The following RANBP10 variants were observed in gnomAD, a reference collection of about 807,000 sequenced individuals.
The protein encoded by RANBP10 is ran-binding protein 10.
A neutral mutation model predicts 72.8 loss-of-function variants in RANBP10; 24 were observed. The ratio of observed to expected loss-of-function variants is 0.33; its 90% CI spans 0.24 to 0.46. The LOEUF (loss-of-function observed/expected upper bound fraction) is 0.46, where lower values mean the gene tolerates loss of function less well. RANBP10 is among the 20% of genes least tolerant of loss of function. The pLI, the probability that RANBP10 is intolerant of heterozygous loss-of-function variation, is 1.00. For synonymous variants in RANBP10, 310 were observed against 322.3 expected (o/e 0.96, Z 0.41); for missense variants, 679 against 817.5 (o/e 0.83, Z 2.07).
At position 67,727,790 on chromosome 16, in the gene RANBP10, C is replaced by T; in HGVS notation, c.1581G>A (p.Arg527=). 1 of 1,614,206 alleles carries T rather than the reference C, an allele frequency of 6.2e-7. No individual in the cohort carries two copies. The highest frequency in any genetic ancestry group is 8.5e-7 in the Non-Finnish European group (1 of 1,180,056). The change falls in exon 12 of 14, where the codon CGG becomes CGA. Residue 527 remains arginine (R), a synonymous_variant. Transcript: ENST00000317506. Reference sequence around the variant, plus strand: ...TGTGGGCCAAATTCTTGCCGTACTCCCGGCCCAACTGCTCACTCAATGCCT... The same window carrying T: ...TGTGGGCCAAATTCTTGCCGTACTCTCGGCCCAACTGCTCACTCAATGCCT... ...ELQALSEQLG[R]EYGKNLAHTE...
chr16:67,748,486 T>C (rs2054130798), intron 3 of RANBP10, among the ~76,000 whole-genome samples: 1 of 151,580 alleles, frequency 6.6e-6, no homozygotes, highest in African/African-American at 2.4e-5. Flanking sequence ...ATCACGCCAC[T>C]GCACTCCAGC....
intron 2 of RANBP10, among the ~76,000 whole-genome samples, chr16:67,802,709 A>C (rs2055258987): frequency 6.6e-6 from 1 of 152,224 alleles, no homozygotes; most frequent in African/African-American, 2.4e-5. Flanking sequence ...CACATGTAAA[A>C]TGCTGGGAAT....
At chr16:67,765,632 C>T (rs1597878131) in intron 3 of RANBP10, among the ~76,000 whole-genome samples, 1 of 151,782 alleles carries the variant, frequency 6.6e-6, no homozygotes, top group African/African-American at 2.4e-5. Context: ...GTCAGGAGAT[C>T]GAGACCATCC....
chr16:67,780,092 C>T (rs979377136), intron 2 of RANBP10, among the ~76,000 whole-genome samples: 3 of 151,966 alleles, frequency 2.0e-5, no homozygotes, highest in South Asian at 2.1e-4. Flanking sequence ...ATTAGCCGGG[C>T]GTGGTGGCGG....
intron 2 of RANBP10, among the ~76,000 whole-genome samples, chr16:67,778,876 T>C (rs144484188): frequency 1.3e-5 from 2 of 152,166 alleles, no homozygotes; most frequent in Non-Finnish European, 2.9e-5. Flanking sequence ...ATGGACTGCT[T>C]GAGCTCAGGA....
chr16:67,738,057 C>T (rs755397567), intron 4 of RANBP10, 22 bp from the exon 5 acceptor site: 3 of 1,582,180 alleles, frequency 1.9e-6, no homozygotes, highest in Admixed American at 3.6e-5. Flanking sequence ...AAGGAACAGT[C>T]ATCAGGGCCA....
At position 67,723,622 on chromosome 16, in the gene RANBP10, A is replaced by G. The variant is rs2053560321; in HGVS notation, c.*2806T>C. 1 of 152,680 alleles carries G rather than the reference A, an allele frequency of 6.5e-6. No homozygotes were observed. The highest frequency in any genetic ancestry group is 1.5e-5 in the Non-Finnish European group (1 of 68,122). The allele number at this position is 152,680 out of a possible 1,614,324, so 9.5% of individuals were successfully genotyped here. On this transcript the variant is annotated 3_prime_UTR_variant, in exon 14 of 14. Coordinates refer to ENST00000317506, the MANE Select transcript of RANBP10 (RefSeq NM_020850.3). ...GGGGTTCTGGCTTGCTATGAGTGCC[A>G]GTTTTTGCTCTGGAAGGAGTGACCA...
chr16:67,737,377 T>G (rs2053873369), intron 5 of RANBP10, among the ~76,000 whole-genome samples: 1 of 151,884 alleles, frequency 6.6e-6, no homozygotes, highest in African/African-American at 2.4e-5. Flanking sequence ...ACTTTTTTTG[T>G]ATTTTTAGTA....
At chr16:67,728,768 CTG>C (rs2053661756) in intron 10 of RANBP10, among the ~76,000 whole-genome samples, 1 of 152,240 alleles carries the variant, frequency 6.6e-6, no homozygotes, top group South Asian at 2.1e-4. Context: ...TGGCCCTCCT[CTG>C]AGTTCACACA....
At chr16:67,746,587 G>A (rs1267365111) in intron 3 of RANBP10, among the ~76,000 whole-genome samples, 1 of 152,144 alleles carries the variant, frequency 6.6e-6, no homozygotes. Flanking sequence ...GGAGTTCAAG[G>A]CTGCAGTGAG....
rs1158033958 is a variant in RANBP10 at position 67,730,718 on chromosome 16, G to C, written c.890-672C>G. ...CCAAGTCTGGGATCCCTTTCCGTCT[G>C]TCTGGCTGAGCACAGCTTCTCTGGG... On this transcript the variant is annotated intron_variant, in intron 7 of 13. Transcript: ENST00000317506. The surrounding 1 kb of genome is among the most constrained non-coding windows in gnomAD (Gnocchi z 4.3). 6.6e-6 allele frequency among the ~76,000 whole-genome samples: 1 copy of C among 152,180 alleles called. No individual in the cohort carries two copies. The highest frequency in any genetic ancestry group is 2.4e-5 in the African/African-American group (1 of 41,440).
intron 3 of RANBP10, among the ~76,000 whole-genome samples, chr16:67,760,070 A>C (rs2054365597): frequency 6.6e-6 from 1 of 151,142 alleles, no homozygotes; most frequent in Non-Finnish European, 1.5e-5. Context: ...ACTGCACTCC[A>C]GCCTAGGTGA....
chr16:67,770,232 C>A (rs1426310352), intron 3 of RANBP10, among the ~76,000 whole-genome samples: 3 of 152,106 alleles, frequency 2.0e-5, no homozygotes, highest in African/African-American at 7.2e-5. Context: ...ACAGATACTA[C>A]AGCTACAACT....
chr16:67,761,861 G>A (rs920886172), intron 3 of RANBP10, among the ~76,000 whole-genome samples: 17 of 152,158 alleles, frequency 1.1e-4, no homozygotes, highest in African/African-American at 2.4e-4. Context: ...GTAAGCCACC[G>A]TGCCCGGACA....
At chr16:67,743,242 T>G (rs1326646815) in intron 4 of RANBP10, among the ~76,000 whole-genome samples, 3 of 152,124 alleles carry the variant, frequency 2.0e-5, no homozygotes, top group Non-Finnish European at 2.9e-5. Flanking sequence ...CTTCTAGGAG[T>G]TGGGTTCCAA....
At position 67,729,666 on chromosome 16, in the gene RANBP10, G is replaced by A. The variant is rs2053683481; in HGVS notation, c.1147+14C>T. The A allele has an allele frequency of 2.5e-6, 4 of 1,604,428 alleles. No individual in the cohort carries two copies. The highest frequency in any genetic ancestry group is 1.7e-5 in the Admixed American group (1 of 59,372). On this transcript the variant is annotated intron_variant, in intron 9 of 13. Transcript: ENST00000317506. This position sits in a 1 kb window ranked among gnomAD's most constrained non-coding sequence, Gnocchi z 7.1. ...ACACCAGTTCTTCCCAGAGCCCTCT[G>A]GAGAGTGGCTGACCTGTGTTGTGCA... is the stretch of plus-strand genomic sequence containing the variant.
chr16:67,793,650 G>A (rs182625773), intron 2 of RANBP10, among the ~76,000 whole-genome samples: 7 of 151,914 alleles, frequency 4.6e-5, no homozygotes, highest in Non-Finnish European at 1.0e-4. Flanking sequence ...ATTTTCAATC[G>A]GAGACATTAT....
chr16:67,768,949 C>T (rs148164770), intron 3 of RANBP10, among the ~76,000 whole-genome samples: 11 of 152,194 alleles, frequency 7.2e-5, no homozygotes, highest in African/African-American at 2.7e-4. Flanking sequence ...TCCTGGCTCC[C>T]GCCACCCATC....
At chr16:67,783,666 A>G (rs147132302) in intron 2 of RANBP10, among the ~76,000 whole-genome samples, 2 of 152,300 alleles carry the variant, frequency 1.3e-5, no homozygotes, top group African/African-American at 4.8e-5. Context: ...TCACAGAAAA[A>G]TGTCTGTGCA....
Sources: gnomAD v4.1 joint callset for allele counts (sites outside exome capture counted in the v4.1 genomes callset) on GRCh38, gnomAD v4.1.1 for gene constraint, Gnocchi (gnomAD v3.1) non-coding constraint, MANE v1.5 for transcripts, NCBI Gene and HGNC (gene_info 2026-07-23, HGNC 2026-07-21) for gene names.